KIRREL3: variants seen among roughly 807,000 people sequenced by gnomAD.
KIRREL3 encodes kirre like nephrin family adhesion molecule 3.
Under a neutral mutation model 89.7 loss-of-function variants are expected in KIRREL3, and 36 were observed. The ratio of observed to expected loss-of-function variants is 0.40; its 90% CI spans 0.31 to 0.53. The LOEUF (loss-of-function observed/expected upper bound fraction) is 0.53. KIRREL3 is among the 20% of genes least tolerant of loss of function. The pLI is 0.49. For missense variants in KIRREL3, 864 were observed against 1,056.6 expected (o/e 0.82, Z 2.53); for synonymous variants, 445 against 441.4 (o/e 1.01, Z -0.10).
At chr11:126,862,620 C>T (rs372442814) in intron 1 of KIRREL3, among the ~76,000 whole-genome samples, 11 of 152,216 alleles carry the variant, frequency 7.2e-5, no homozygotes, top group African/African-American at 1.4e-4. Flanking sequence ...CTGCTCTCCA[C>T]GCTGCGTCAA....
chr11:126,427,140 G>A lies in KIRREL3; in HGVS notation c.1807-1416C>T, dbSNP rs957557237. 1.3e-5 allele frequency among the ~76,000 whole-genome samples: 2 copies of A among 152,174 alleles called. No homozygotes were observed. The highest frequency in any genetic ancestry group is 2.9e-5 in the Non-Finnish European group (2 of 68,036). Reference sequence around the variant, plus strand: ...CCGATGGGAGAGAATTCAAGGTCCCGTTTGGGATGAAGGACACACATGATT... The same window carrying A: ...CCGATGGGAGAGAATTCAAGGTCCCATTTGGGATGAAGGACACACATGATT... On this transcript the variant is annotated intron_variant, in intron 15 of 16. Transcript: ENST00000525144. This position sits in a 1 kb window ranked among gnomAD's most constrained non-coding sequence, Gnocchi z 5.3.
At position 126,606,627 on chromosome 11, in the gene KIRREL3, T is replaced by C. The variant is rs1942902035; in HGVS notation, c.56-43715A>G. On this transcript the variant is annotated intron_variant, in intron 1 of 16. Transcript: ENST00000525144. The surrounding 1 kb of genome is among the most constrained non-coding windows in gnomAD (Gnocchi z 4.6). ...TGATACCAGGCCGAGACCCTCGACA[T>C]TCCAGGGAGGGAACCGGAGGACTCC... 6.6e-6 allele frequency among the ~76,000 whole-genome samples: 1 copy of C among 152,066 alleles called. No homozygotes were observed. Among genetic ancestry groups the C allele is most frequent in the South Asian group, 2.1e-4 (1 of 4,818 alleles).
At position 126,997,476 on chromosome 11, in the gene KIRREL3, C is replaced by T. The variant is rs1565488645; in HGVS notation, c.55+2979G>A. On this transcript the variant is annotated intron_variant, in intron 1 of 16. Coordinates refer to ENST00000525144, the MANE Select transcript of KIRREL3 (RefSeq NM_032531.4). The surrounding 1 kb of genome is among the most constrained non-coding windows in gnomAD (Gnocchi z 4.3). The stretch of plus-strand genomic sequence containing the variant: ...GGAATCGGGAGGAATGTTATTTAGC[C>T]TTACTACTGCCACCTTAAGAAAGAT... Among the ~76,000 whole-genome samples, 1 of 152,098 alleles carries T rather than the reference C, an allele frequency of 6.6e-6. No individual in the cohort carries two copies. The highest frequency in any genetic ancestry group is 1.5e-5 in the Non-Finnish European group (1 of 68,014).
intron 1 of KIRREL3, among the ~76,000 whole-genome samples, chr11:126,667,927 A>G (rs1306061345): frequency 6.6e-6 from 1 of 152,098 alleles, no homozygotes; most frequent in Non-Finnish European, 1.5e-5. Context: ...GAGCTCTTGC[A>G]TCTTGGAGAA....
At chr11:126,559,910 T>C (rs187849062) in intron 2 of KIRREL3, among the ~76,000 whole-genome samples, 310 of 152,270 alleles carry the variant, frequency 2.0e-3, no homozygotes, top group Non-Finnish European at 2.5e-3. Context: ...CTTGAACTCC[T>C]GACCTCAAGT....
At chr11:126,543,013 C>G (rs1938495475) in intron 2 of KIRREL3, among the ~76,000 whole-genome samples, 1 of 152,154 alleles carries the variant, frequency 6.6e-6, no homozygotes, top group Non-Finnish European at 1.5e-5. Flanking sequence ...GGAGCAGGTC[C>G]CATCATCAGC....
At chr11:126,449,290 A>G in intron 7 of KIRREL3, 133 bp from the exon 8 acceptor site, 1 of 964,534 alleles carries the variant, frequency 1.0e-6, no homozygotes, top group Admixed American at 2.3e-5. Context: ...GGGTCCGTCA[A>G]GGGGAATCTT....
intron 1 of KIRREL3, among the ~76,000 whole-genome samples, chr11:126,880,244 A>G (rs1945447304): frequency 6.6e-6 from 1 of 152,208 alleles, no homozygotes; most frequent in Admixed American, 6.5e-5. Context: ...AGCAATTTCT[A>G]GTTGAAGATT....
At chr11:126,821,329 G>GTATATA (rs6144553) in intron 1 of KIRREL3, among the ~76,000 whole-genome samples, 1,929 of 103,428 alleles carry the variant, frequency 0.019, 217 homozygotes, top group East Asian at 0.028. Flanking sequence ...GATAAACACA[G>GTATATA]TATATATATA....
chr11:126,457,237 ATATG>A (rs1454708433), intron 6 of KIRREL3, among the ~76,000 whole-genome samples: 7 of 136,298 alleles, frequency 5.1e-5, no homozygotes, highest in Admixed American at 2.1e-4. Context: ...ATGCATGTGT[ATATG>A]TATGTGTGTG....
chr11:126,874,608 A>G (rs956029611), intron 1 of KIRREL3, among the ~76,000 whole-genome samples: 1 of 152,162 alleles, frequency 6.6e-6, no homozygotes, highest in Non-Finnish European at 1.5e-5. Flanking sequence ...ATGATGGCAA[A>G]CAAACAGTTT....
intron 1 of KIRREL3, among the ~76,000 whole-genome samples, chr11:126,777,966 T>C (rs943085574): frequency 6.6e-6 from 1 of 151,668 alleles, no homozygotes; most frequent in Non-Finnish European, 1.5e-5. Flanking sequence ...CAGACTAGCC[T>C]GCTGCATGGT....
In KIRREL3 at chr11:126,606,241, A is replaced by G. The variant is rs1942883230; in HGVS notation, c.56-43329T>C. On this transcript the variant is annotated intron_variant, in intron 1 of 16. Transcript: ENST00000525144. The surrounding 1 kb of genome is among the most constrained non-coding windows in gnomAD (Gnocchi z 4.6). ...TAATGTTAAAATATTATTTTTATGA[A>G]GGCACAGTTTAGTATGGTGTTTATG... 6.6e-6 allele frequency among the ~76,000 whole-genome samples: 1 copy of G among 152,172 alleles called. No homozygotes were observed. The highest frequency in any genetic ancestry group is 2.1e-4 in the South Asian group (1 of 4,824).
intron 1 of KIRREL3, among the ~76,000 whole-genome samples, chr11:126,975,604 T>C (rs895799645): frequency 5.9e-5 from 9 of 152,152 alleles, no homozygotes; most frequent in Admixed American, 3.9e-4. Context: ...AGGACAGTTA[T>C]AGTGTTCTCT....
In KIRREL3 at chr11:126,676,265, A is replaced by G. The variant is rs1946184039; in HGVS notation, c.56-113353T>C. 6.6e-6 allele frequency among the ~76,000 whole-genome samples: 1 copy of G among 152,198 alleles called. No homozygotes were observed. The highest frequency in any genetic ancestry group is 2.4e-5 in the African/African-American group (1 of 41,446). ...CAGCTAGGAAAGAAAGCACAGAACC[A>G]TCAGGAGGGAAACACTCAGGGCCAG... On this transcript the variant is annotated intron_variant, in intron 1 of 16. Coordinates refer to ENST00000525144, the MANE Select transcript of KIRREL3 (RefSeq NM_032531.4). The surrounding 1 kb of genome is among the most constrained non-coding windows in gnomAD (Gnocchi z 4.5).
rs1950068212 is a variant in KIRREL3 at position 126,773,150 on chromosome 11, G to C, written c.56-210238C>G. ...ATTAATCCATTGATTTTGTAGGTCT[G>C]TGATGATTGATTTTTTGTGTCAACT... On this transcript the variant is annotated intron_variant, in intron 1 of 16. Coordinates refer to ENST00000525144, the MANE Select transcript of KIRREL3 (RefSeq NM_032531.4). The surrounding 1 kb of genome is among the most constrained non-coding windows in gnomAD (Gnocchi z 4.2). 6.6e-6 allele frequency among the ~76,000 whole-genome samples: 1 copy of C among 152,214 alleles called. No homozygotes were observed. Among genetic ancestry groups the C allele is most frequent in the Admixed American group, 6.5e-5 (1 of 15,286 alleles).
At chr11:126,480,422 G>A (rs191490615) in intron 4 of KIRREL3, among the ~76,000 whole-genome samples, 15 of 152,300 alleles carry the variant, frequency 9.8e-5, no homozygotes, top group Non-Finnish European at 2.1e-4. Flanking sequence ...AATATCTTTT[G>A]AGGCAGGGAC....
rs1950249659 is a variant in KIRREL3 at position 126,999,024 on chromosome 11, C to T, written c.55+1431G>A. 6.7e-6 allele frequency among the ~76,000 whole-genome samples: 1 copy of T among 149,916 alleles called. No individual in the cohort carries two copies. The highest frequency in any genetic ancestry group is 2.1e-4 in the South Asian group (1 of 4,760). On this transcript the variant is annotated intron_variant, in intron 1 of 16. Coordinates refer to ENST00000525144, the MANE Select transcript of KIRREL3 (RefSeq NM_032531.4). This position sits in a 1 kb window ranked among gnomAD's most constrained non-coding sequence, Gnocchi z 5.7. ...TTACCAAATGGTAATATAACTGAAC[C>T]TGTCTCTATACCAGTGTTCTGAGAG...
chr11:126,896,620 T>G lies in KIRREL3; in HGVS notation c.55+103835A>C, dbSNP rs947956022. 2.6e-5 allele frequency among the ~76,000 whole-genome samples: 4 copies of G among 152,110 alleles called. No homozygotes were observed. Among genetic ancestry groups the G allele is most frequent in the Non-Finnish European group, 5.9e-5 (4 of 67,996 alleles). ...CGTGGGGCCTGTCCATGGGCTTCAG[T>G]GCCCACCATGCAGTGCATGGGAGAC... On this transcript the variant is annotated intron_variant, in intron 1 of 16. Coordinates refer to ENST00000525144, the MANE Select transcript of KIRREL3 (RefSeq NM_032531.4). This position sits in a 1 kb window ranked among gnomAD's most constrained non-coding sequence, Gnocchi z 4.1.
Sources: gnomAD v4.1 joint callset for allele counts (sites outside exome capture counted in the v4.1 genomes callset) on GRCh38, gnomAD v4.1.1 for gene constraint, Gnocchi (gnomAD v3.1) non-coding constraint, MANE v1.5 for transcripts, NCBI Gene and HGNC (gene_info 2026-07-23, HGNC 2026-07-21) for gene names.